TMEM108: variants seen among roughly 807,000 people sequenced by gnomAD.
The protein encoded by TMEM108 is transmembrane protein 108.
A neutral mutation model predicts 35.1 loss-of-function variants in TMEM108; 12 were observed. The ratio of observed to expected loss-of-function variants is 0.34; its 90% CI spans 0.22 to 0.55. The LOEUF is 0.55. Among genes scored for constraint, TMEM108 ranks in the 20% least tolerant of loss-of-function variants. The pLI is 0.89. For synonymous variants in TMEM108, 287 were observed against 308.6 expected (o/e 0.93, Z 0.73); for missense variants, 680 against 753.3 (o/e 0.90, Z 1.14).
chr3:133,061,378 A>T (rs1559819790), intron 2 of TMEM108, among the ~76,000 whole-genome samples: 1 of 151,496 alleles, frequency 6.6e-6, no homozygotes, highest in African/African-American at 2.4e-5. Flanking sequence ...ACCCAGCTAA[A>T]TTTTTTTTGT....
chr3:133,116,859 T>C (rs553301093), intron 2 of TMEM108, among the ~76,000 whole-genome samples: 1 of 152,334 alleles, frequency 6.6e-6, no homozygotes, highest in South Asian at 2.1e-4. Flanking sequence ...CACTGCAACC[T>C]CCTGGGTTCA....
At chr3:133,041,120 A>G (rs1943270723) in intron 1 of TMEM108, among the ~76,000 whole-genome samples, 1 of 152,166 alleles carries the variant, frequency 6.6e-6, no homozygotes, top group Admixed American at 6.5e-5. Flanking sequence ...GGAAATGTTT[A>G]ATTCAGTGGG....
At chr3:133,386,227 G>T (rs1468889734) in intron 4 of TMEM108, among the ~76,000 whole-genome samples, 1 of 152,190 alleles carries the variant, frequency 6.6e-6, no homozygotes, top group African/African-American at 2.4e-5. Context: ...TGCATGTTAG[G>T]TCTTATCTTA....
intron 2 of TMEM108, among the ~76,000 whole-genome samples, chr3:133,117,397 A>T (rs2107730519): frequency 6.6e-6 from 1 of 152,342 alleles, no homozygotes; most frequent in East Asian, 1.9e-4. Flanking sequence ...ACAACCCTTA[A>T]TAAAGAGTAC....
At chr3:133,096,980 A>G (rs1403944091) in intron 2 of TMEM108, among the ~76,000 whole-genome samples, 1 of 152,218 alleles carries the variant, frequency 6.6e-6, no homozygotes, top group Non-Finnish European at 1.5e-5. Flanking sequence ...TACCACAACT[A>G]TCTCCTACTT....
intron 3 of TMEM108, among the ~76,000 whole-genome samples, chr3:133,349,661 G>A (rs1392124605): frequency 2.6e-5 from 4 of 151,458 alleles, no homozygotes; most frequent in South Asian, 4.2e-4. Context: ...ATAAACAAAT[G>A]GCCAACAGAT....
chr3:133,275,890 C>T (rs1427625111), intron 3 of TMEM108, among the ~76,000 whole-genome samples: 2 of 152,142 alleles, frequency 1.3e-5, no homozygotes, highest in Non-Finnish European at 2.9e-5. Flanking sequence ...ATCACAAAAA[C>T]TGTTCAGTAT....
rs115003872 is a variant in TMEM108 at position 133,210,605 on chromosome 3, G to A, written c.-46-18661G>A. Reference sequence around the variant, plus strand: ...TCTAGCCTTCCAGTCATCAAAGCAAGGTAGAATTATCAACATAATGATATA... The same window carrying A: ...TCTAGCCTTCCAGTCATCAAAGCAAAGTAGAATTATCAACATAATGATATA... On this transcript the variant is annotated intron_variant, in intron 2 of 5. Transcript: ENST00000321871. 2.8e-3 allele frequency among the ~76,000 whole-genome samples: 431 copies of A among 152,266 alleles called. 4 individuals carry two copies. Among genetic ancestry groups the A allele is most frequent in the African/African-American group, 9.8e-3 (409 of 41,534 alleles).
intron 2 of TMEM108, among the ~76,000 whole-genome samples, chr3:133,218,738 C>G (rs1342840667): frequency 6.6e-6 from 1 of 152,004 alleles, no homozygotes; most frequent in Non-Finnish European, 1.5e-5. Context: ...TTCACTTAAT[C>G]TTGGTGAATA....
chr3:133,326,534 A>G (rs2071335684), intron 3 of TMEM108, among the ~76,000 whole-genome samples: 1 of 152,192 alleles, frequency 6.6e-6, no homozygotes, highest in Non-Finnish European at 1.5e-5. Context: ...CAAATGGAAT[A>G]GTATAAACAA....
intron 2 of TMEM108, among the ~76,000 whole-genome samples, chr3:133,176,121 A>T (rs1156995141): frequency 6.6e-6 from 1 of 152,240 alleles, no homozygotes; most frequent in East Asian, 1.9e-4. Flanking sequence ...AGAAGAGCTA[A>T]CTATCCTAAA....
chr3:133,270,158 A>T (rs557823607), intron 3 of TMEM108, among the ~76,000 whole-genome samples: 1 of 152,166 alleles, frequency 6.6e-6, no homozygotes, highest in Non-Finnish European at 1.5e-5. Context: ...CCCTCCCCCA[A>T]TCAAAGTCCT....
intron 3 of TMEM108, among the ~76,000 whole-genome samples, chr3:133,233,501 C>T (rs1374317206): frequency 1.3e-5 from 2 of 152,164 alleles, no homozygotes; most frequent in Admixed American, 6.5e-5. Flanking sequence ...AATAAACATA[C>T]GTGTGCATGT....
At chr3:133,222,800 G>T (rs544434290) in intron 2 of TMEM108, among the ~76,000 whole-genome samples, 3 of 151,642 alleles carry the variant, frequency 2.0e-5, no homozygotes, top group African/African-American at 7.3e-5. Flanking sequence ...TCCTGATTTT[G>T]TTGAATTGTT....
intron 2 of TMEM108, among the ~76,000 whole-genome samples, chr3:133,095,698 C>T (rs1944003574): frequency 6.6e-6 from 1 of 152,034 alleles, no homozygotes; most frequent in South Asian, 2.1e-4. Flanking sequence ...AGGGTTTGTG[C>T]TTCTATGAGA....
chr3:133,224,842 G>A (rs1243009702), intron 2 of TMEM108, among the ~76,000 whole-genome samples: 3 of 126,158 alleles, frequency 2.4e-5, no homozygotes, highest in African/African-American at 7.8e-5. Flanking sequence ...TTAAATATTA[G>A]ACATCTTAAC....
intron 5 of TMEM108, among the ~76,000 whole-genome samples, chr3:133,394,581 T>TAAAA (rs2073279327): frequency 6.6e-6 from 1 of 152,218 alleles, no homozygotes; most frequent in African/African-American, 2.4e-5. Context: ...ACTTGCTTTG[T>TAAAA]GAAAGCTATA....
intron 2 of TMEM108, among the ~76,000 whole-genome samples, chr3:133,057,995 C>CTT (rs1943492814): frequency 6.6e-6 from 1 of 152,118 alleles, no homozygotes; most frequent in Non-Finnish European, 1.5e-5. Flanking sequence ...ATACCAGGGC[C>CTT]TCTGCCCTGC....
intron 3 of TMEM108, among the ~76,000 whole-genome samples, chr3:133,258,718 G>A (rs1946583056): frequency 6.6e-6 from 1 of 152,150 alleles, no homozygotes; most frequent in Admixed American, 6.6e-5. Flanking sequence ...CCAAAACTTT[G>A]CATGAAGCAA....
Sources: gnomAD v4.1 joint callset for allele counts (sites outside exome capture counted in the v4.1 genomes callset) on GRCh38, gnomAD v4.1.1 for gene constraint, MANE v1.5 for transcripts, NCBI Gene and HGNC (gene_info 2026-07-23, HGNC 2026-07-21) for gene names.